The following FILIP1 variants were observed in gnomAD, a reference collection of about 807,000 sequenced individuals.
The protein encoded by FILIP1 is filamin A interacting protein 1.
FILIP1 carries 61 observed loss-of-function variants against 102.1 expected under a neutral mutation model. The ratio of observed to expected loss-of-function variants is 0.60; its 90% CI spans 0.49 to 0.74. FILIP1 has a LOEUF of 0.74. Among genes scored for constraint, FILIP1 ranks in the 30% least tolerant of loss-of-function variants. The probability of loss-of-function intolerance (pLI) is 0.00; values close to 1 mark genes in which losing one functional copy is unlikely to be tolerated. For synonymous variants in FILIP1, 491 were observed against 526.9 expected (o/e 0.93, Z 0.93); for missense variants, 1,314 against 1,441.2 (o/e 0.91, Z 1.43).
chr6:75,416,650 C>T (rs1777281216), intron 1 of FILIP1, among the ~76,000 whole-genome samples: 1 of 151,344 alleles, frequency 6.6e-6, no homozygotes, highest in Admixed American at 6.6e-5. Context: ...CCTGTTATGG[C>T]TCACAGTTAA....
chr6:75,318,446 G>T (rs1347158379), intron 4 of FILIP1, among the ~76,000 whole-genome samples: 1 of 151,792 alleles, frequency 6.6e-6, no homozygotes, highest in Non-Finnish European at 1.5e-5. Context: ...ATGTCACCTA[G>T]GCTGGTATTG....
chr6:75,326,698 T>G (rs1165771943), intron 4 of FILIP1, among the ~76,000 whole-genome samples: 1 of 152,220 alleles, frequency 6.6e-6, no homozygotes, highest in Non-Finnish European at 1.5e-5. Flanking sequence ...TTATTTAACT[T>G]AAGAGAACAT....
At chr6:75,469,795 A>C (rs1341120992) in intron 1 of FILIP1, among the ~76,000 whole-genome samples, 1 of 152,102 alleles carries the variant, frequency 6.6e-6, no homozygotes, top group Non-Finnish European at 1.5e-5. Context: ...ATAACTGGCT[A>C]ACTTAGTCAT....
chr6:75,308,063 C>T (rs1352519109), downstream of FILIP1: 1 of 985,744 alleles, frequency 1.0e-6, no homozygotes, highest in Admixed American at 6.2e-5. Flanking sequence ...CAGACACACA[C>T]AAATAAGTAA....
intron 1 of FILIP1, among the ~76,000 whole-genome samples, chr6:75,492,937 CA>C (rs1457472908): frequency 2.0e-5 from 3 of 152,170 alleles, no homozygotes; most frequent in Non-Finnish European, 4.4e-5. Context: ...CAAAAGGAGA[CA>C]CATGCAACAG....
At position 75,308,110 on chromosome 6, in the gene FILIP1, T is replaced by C; in HGVS notation, c.*581A>G. On this transcript the variant is annotated 3_prime_UTR_variant, in exon 6 of 6. Coordinates refer to ENST00000237172, the MANE Select transcript of FILIP1 (RefSeq NM_015687.5). ...TAGGATTCCATATTTCATTTCCATT[T>C]TATTACATGTTCACATTATTTCCTG... 1 of 985,994 alleles carries C rather than the reference T, an allele frequency of 1.0e-6. No homozygotes were observed. Among genetic ancestry groups the C allele is most frequent in the Non-Finnish European group, 1.2e-6 (1 of 830,022 alleles). 61.1% of individuals were successfully genotyped at this position (985,994 alleles called of 1,614,324 possible). A position where few individuals can be genotyped will look rare whatever the true frequency, so the allele number is the denominator to read the frequency against.
intron 4 of FILIP1, among the ~76,000 whole-genome samples, chr6:75,332,957 TG>T (rs1774129027): frequency 6.6e-6 from 1 of 152,228 alleles, no homozygotes; most frequent in Non-Finnish European, 1.5e-5. Flanking sequence ...TTATACAGTA[TG>T]GGAGCTCACA....
intron 2 of FILIP1, among the ~76,000 whole-genome samples, chr6:75,368,029 T>C (rs1775396217): frequency 6.6e-6 from 1 of 152,238 alleles, no homozygotes; most frequent in African/African-American, 2.4e-5. Flanking sequence ...GACGACTCTA[T>C]GTTCAACTTA....
chr6:75,391,848 CA>C (rs1374543047), intron 2 of FILIP1, among the ~76,000 whole-genome samples: 1 of 152,158 alleles, frequency 6.6e-6, no homozygotes, highest in Non-Finnish European at 1.5e-5. Flanking sequence ...ATTGCCTATA[CA>C]TACTGTCTCC....
chr6:75,361,942 A>T (rs2149611895), intron 3 of FILIP1: 1 of 152,384 alleles, frequency 6.6e-6, no homozygotes, highest in Middle Eastern at 3.4e-3. Context: ...TGTCTACAGC[A>T]GATCTTATCT....
rs757436412 is a variant in FILIP1 at position 75,353,635 on chromosome 6, C to T, written c.533G>A (p.Arg178His). The change falls in exon 4 of 6, where the codon CGC (arginine) becomes CAC (histidine). Residue 178 changes from arginine to histidine, a missense_variant. This residue lies in a region of FILIP1 where 494 missense variants were observed against 511.2 expected (regional missense o/e 0.97). Coordinates refer to ENST00000237172, the MANE Select transcript of FILIP1 (RefSeq NM_015687.5). ...QLLLAEKCHR[R>H]TVYELENEKH... ...CTCGTTCTCTAACTCGTATACGGTG[C>T]GCCTATGACACTTCTCGGCCAGCAA... The T allele has an allele frequency of 3.7e-6, 6 of 1,614,142 alleles. No individual in the cohort carries two copies. The highest frequency in any genetic ancestry group is 2.2e-5 in the East Asian group (1 of 44,896).
At chr6:75,303,817 A>C (rs927187635), downstream of FILIP1, among the ~76,000 whole-genome samples, 3 of 152,132 alleles carry the variant, frequency 2.0e-5, no homozygotes, top group African/African-American at 7.2e-5. Context: ...AGACAGATAG[A>C]TGATAGGCAG....
intron 1 of FILIP1, among the ~76,000 whole-genome samples, chr6:75,461,026 C>T (rs1392069081): frequency 1.3e-5 from 2 of 152,128 alleles, no homozygotes; most frequent in African/African-American, 2.4e-5. Flanking sequence ...ATAACCCACA[C>T]GACCTCCCTC....
chr6:75,340,372 C>T (rs1218889835), intron 4 of FILIP1, among the ~76,000 whole-genome samples: 2 of 152,142 alleles, frequency 1.3e-5, no homozygotes, highest in Non-Finnish European at 2.9e-5. Flanking sequence ...GAAATACTCT[C>T]ACTAAAATAC....
In FILIP1 at chr6:75,316,259, A is replaced by C. The variant is rs534249068; in HGVS notation, c.630-1057T>G. 2.0e-4 allele frequency among the ~76,000 whole-genome samples: 30 copies of C among 152,340 alleles called. 1 individual carries two copies. The South Asian group carries it at 6.2e-3, about 32-fold the overall frequency. On this transcript the variant is annotated intron_variant, in intron 4 of 5. Coordinates refer to ENST00000237172, the MANE Select transcript of FILIP1 (RefSeq NM_015687.5). ...ACCCATAAAACAAAATTATAATCAT[A>C]TTTGCCATGTTAGTGTAAGAATGCA...
chr6:75,378,668 C>T (rs112957999), intron 2 of FILIP1, among the ~76,000 whole-genome samples: 5 of 152,114 alleles, frequency 3.3e-5, no homozygotes, highest in African/African-American at 7.2e-5. Flanking sequence ...AACTAATGCA[C>T]GTGAAGAGAA....
At position 75,315,088 on chromosome 6, in the gene FILIP1, G is replaced by A. The variant is rs1773390051; in HGVS notation, c.744C>T (p.Leu248=). Reference sequence around the variant, plus strand: ...GCATTTGTCTTTCATCCACCAGCATGAGTGCAAAGGATTTGAGTTTAACAA... The same window carrying A: ...GCATTTGTCTTTCATCCACCAGCATAAGTGCAAAGGATTTGAGTTTAACAA... The part of the protein sequence containing the change: ...DELVKLKSFA[L]MLVDERQMHI... The change falls in exon 5 of 6, where the codon CTC becomes CTT. Residue 248 remains leucine, a synonymous_variant. Transcript: ENST00000237172. 1 of 1,613,704 alleles carries A rather than the reference G, an allele frequency of 6.2e-7. No individual in the cohort carries two copies. Among genetic ancestry groups the A allele is most frequent in the Non-Finnish European group, 8.5e-7 (1 of 1,179,916 alleles).
chr6:75,377,834 ATTGAC>A, intron 2 of FILIP1, among the ~76,000 whole-genome samples: 1 of 152,358 alleles, frequency 6.6e-6, no homozygotes, highest in African/African-American at 2.4e-5. Context: ...TCCAAGAGAT[ATTGAC>A]TTATTAGTTT....
chr6:75,377,312 C>G (rs1190994005), intron 2 of FILIP1, among the ~76,000 whole-genome samples: 1 of 152,140 alleles, frequency 6.6e-6, no homozygotes. Flanking sequence ...CAATATTTGG[C>G]CTTACAAGGC....
Sources: gnomAD v4.1 joint callset for allele counts (sites outside exome capture counted in the v4.1 genomes callset) on GRCh38, gnomAD v4.1.1 for gene constraint, gnomAD v4.1.1 regional missense constraint, MANE v1.5 for transcripts, NCBI Gene and HGNC (gene_info 2026-07-23, HGNC 2026-07-21) for gene names.